The following SAMD3 variants were observed in gnomAD, a reference collection of about 807,000 sequenced individuals.
SAMD3 encodes sterile alpha motif domain containing 3.
SAMD3 carries 63 observed loss-of-function variants against 58.5 expected under a neutral mutation model. That is an observed-to-expected ratio of 1.08 (90% CI 0.88 to 1.33). The LOEUF (loss-of-function observed/expected upper bound fraction) is 1.33, where lower values mean the gene tolerates loss of function less well. Among genes scored for constraint, SAMD3 ranks in the 40% most tolerant of loss-of-function variants. The probability of loss-of-function intolerance (pLI) is 0.00; values close to 1 mark genes in which losing one functional copy is unlikely to be tolerated. For synonymous variants in SAMD3, 220 were observed against 210.3 expected (o/e 1.05, Z -0.40); for missense variants, 604 against 608.4 (o/e 0.99, Z 0.08).
intron 5 of SAMD3, among the ~76,000 whole-genome samples, chr6:130,185,241 G>A (rs1792824949): frequency 6.6e-6 from 1 of 152,206 alleles, no homozygotes; most frequent in African/African-American, 2.4e-5. Flanking sequence ...CTGGGGATGA[G>A]GGTGGATAAA....
chr6:130,247,553 A>C (rs936262806), intron 2 of SAMD3, among the ~76,000 whole-genome samples: 1 of 152,184 alleles, frequency 6.6e-6, no homozygotes, highest in Admixed American at 6.5e-5. Flanking sequence ...AAAGGATTGA[A>C]ACACTGCAAA....
chr6:130,278,865 G>A (rs1430940269), intron 2 of SAMD3, among the ~76,000 whole-genome samples: 1 of 152,170 alleles, frequency 6.6e-6, no homozygotes, highest in Admixed American at 6.5e-5. Context: ...CTTAGCTTGA[G>A]TGTATCACTT....
intron 1 of SAMD3, among the ~76,000 whole-genome samples, chr6:130,363,912 T>G (rs1327808313): frequency 6.6e-6 from 1 of 152,208 alleles, no homozygotes; most frequent in Non-Finnish European, 1.5e-5. Context: ...CAAAATCCAT[T>G]ACTGGCATGG....
intron 2 of SAMD3, among the ~76,000 whole-genome samples, chr6:130,258,234 T>C (rs1474801897): frequency 6.6e-6 from 1 of 152,180 alleles, no homozygotes. Context: ...AATGGCATAT[T>C]GTTTTCTCTC....
At position 130,280,512 on chromosome 6, in the gene SAMD3, G is replaced by T. The variant is rs76481699; in HGVS notation, c.-188+32466C>A. ...GCTTGAAAATATCACCTTTAGACAG[G>T]CATCTTCTATGTCTAGCCTCTCCTC... On this transcript the variant is annotated intron_variant, in intron 2 of 13. Transcript: ENST00000368134. Among the ~76,000 whole-genome samples the T allele has an allele frequency of 3.9e-3, 598 of 152,128 alleles. 5 individuals are homozygous for T. The highest frequency in any genetic ancestry group is 0.013 in the African/African-American group (535 of 41,508).
intron 5 of SAMD3, among the ~76,000 whole-genome samples, chr6:130,185,281 T>C (rs1169183450): frequency 2.0e-5 from 3 of 152,202 alleles, no homozygotes; most frequent in Non-Finnish European, 4.4e-5. Context: ...TGTACAAGCA[T>C]ATAAAGCTGC....
intron 1 of SAMD3, among the ~76,000 whole-genome samples, chr6:130,353,973 C>T (rs1226923074): frequency 1.3e-5 from 2 of 151,772 alleles, no homozygotes; most frequent in African/African-American, 4.8e-5. Flanking sequence ...AACAACTTTG[C>T]AAGAAAAAAA....
intron 5 of SAMD3, 74 bp downstream of exon 5, chr6:130,209,421 T>C: frequency 1.3e-6 from 1 of 764,502 alleles, no homozygotes; most frequent in Non-Finnish European, 2.2e-6. Context: ...CATCTAAACA[T>C]ATGAAACCTT....
chr6:130,226,460 G>GCC (rs1796384325), upstream of SAMD3, among the ~76,000 whole-genome samples: 3 of 152,210 alleles, frequency 2.0e-5, no homozygotes, highest in South Asian at 6.2e-4. Flanking sequence ...ATAGGTCAAA[G>GCC]TTAGCACACC....
At chr6:130,154,034 C>G (rs149258705) in intron 9 of SAMD3, among the ~76,000 whole-genome samples, 2 of 151,736 alleles carry the variant, frequency 1.3e-5, no homozygotes, top group Non-Finnish European at 2.9e-5. Flanking sequence ...ATAAAGGAAA[C>G]GTATTTTTAC....
intron 1 of SAMD3, among the ~76,000 whole-genome samples, chr6:130,350,166 C>G (rs1347749214): frequency 6.6e-6 from 1 of 152,150 alleles, no homozygotes; most frequent in East Asian, 1.9e-4. Flanking sequence ...TGGCACAAGA[C>G]AGGGATGCCC....
intron 1 of SAMD3, among the ~76,000 whole-genome samples, chr6:130,320,189 A>G (rs1409957726): frequency 6.6e-6 from 1 of 152,212 alleles, no homozygotes; most frequent in Non-Finnish European, 1.5e-5. Flanking sequence ...GAATATACAG[A>G]GAATTCTCAA....
chr6:130,179,355 A>G lies in SAMD3; in HGVS notation c.655-3347T>C, dbSNP rs540494117. The stretch of plus-strand genomic sequence containing the variant: ...TATAGAATAATCATCCCTCTCCTCC[A>G]TGTTTCCAGCTAGAGAGGGTGTAGA... On this transcript the variant is annotated intron_variant, in intron 7 of 11. Coordinates refer to ENST00000439090, the MANE Select transcript of SAMD3 (RefSeq NM_001017373.4). Among the ~76,000 whole-genome samples the G allele has an allele frequency of 3.3e-5, 5 of 152,252 alleles. No homozygotes were observed. The East Asian group carries it at 7.7e-4, about 24-fold the overall frequency.
intron 2 of SAMD3, among the ~76,000 whole-genome samples, chr6:130,306,563 T>C (rs546062519): frequency 4.6e-5 from 7 of 152,248 alleles, no homozygotes; most frequent in Admixed American, 2.0e-4. Context: ...CGACAGAAAT[T>C]AGAAACAAAT....
chr6:130,169,860 T>G (rs879529140), intron 8 of SAMD3, among the ~76,000 whole-genome samples: 6 of 152,166 alleles, frequency 3.9e-5, no homozygotes, highest in African/African-American at 1.4e-4. Context: ...TGGGGACAAC[T>G]GCTGGGGACA....
At chr6:130,259,715 T>C (rs1387605359) in intron 2 of SAMD3, among the ~76,000 whole-genome samples, 1 of 152,168 alleles carries the variant, frequency 6.6e-6, no homozygotes, top group Non-Finnish European at 1.5e-5. Flanking sequence ...CAAAACTTTT[T>C]ATTTTGAGAT....
chr6:130,360,836 G>T (rs1400108591), intron 1 of SAMD3, among the ~76,000 whole-genome samples: 2 of 152,092 alleles, frequency 1.3e-5, no homozygotes, highest in Non-Finnish European at 2.9e-5. Context: ...CCACCCTCAG[G>T]GGCATATTCT....
chr6:130,260,436 C>A (rs370198539), intron 2 of SAMD3, among the ~76,000 whole-genome samples: 1 of 152,214 alleles, frequency 6.6e-6, no homozygotes, highest in Non-Finnish European at 1.5e-5. Flanking sequence ...CAGTTGATCA[C>A]GACCCTCTCT....
At chr6:130,249,759 G>A (rs1010888271) in intron 2 of SAMD3, among the ~76,000 whole-genome samples, 4 of 152,172 alleles carry the variant, frequency 2.6e-5, no homozygotes, top group African/African-American at 7.2e-5. Flanking sequence ...AGGATGATCA[G>A]TGTTAGGGTA....
Sources: gnomAD v4.1 joint callset for allele counts (sites outside exome capture counted in the v4.1 genomes callset) on GRCh38, gnomAD v4.1.1 for gene constraint, MANE v1.5 for transcripts, NCBI Gene and HGNC (gene_info 2026-07-23, HGNC 2026-07-21) for gene names.